MS4A3: variants seen among roughly 807,000 people sequenced by gnomAD.
MS4A3 encodes membrane-spanning 4-domains subfamily A member 3.
MS4A3 carries 18 observed loss-of-function variants against 24.7 expected under a neutral mutation model. The ratio of observed to expected loss-of-function variants is 0.73; its 90% CI spans 0.50 to 1.08. The LOEUF (loss-of-function observed/expected upper bound fraction) is 1.08, where lower values mean the gene tolerates loss of function less well. Among genes scored for constraint, MS4A3 ranks in the 50% least tolerant of loss-of-function variants. MS4A3 has a pLI of 0.00. For synonymous variants in MS4A3, 84 were observed against 95.3 expected, an observed-to-expected ratio of 0.88 and a Z score of 0.69; for missense variants, 282 against 251.7, an observed-to-expected ratio of 1.12 and a Z score of -0.82.
Position 60,067,086 on chromosome 11 carries a change from T to G in MS4A3, c.487T>G (p.Cys163Gly), listed in dbSNP as rs201987673. 6.2e-7 allele frequency: 1 copy of G among 1,608,318 alleles called. No homozygotes were observed. The highest frequency in any genetic ancestry group is 1.1e-5 in the South Asian group (1 of 89,698). The change falls in exon 5 of 7, where the codon TGC (cysteine) becomes GGC (glycine). Residue 163 changes from cysteine (C) to glycine (G), a missense_variant. Physicochemically the swap from Cys to Gly is radical, Grantham distance 159. Transcript: ENST00000278865. Reference protein sequence around the residue: ...CHSSSESPDLCNYMGSISNGM... With the variant: ...CHSSSESPDLGNYMGSISNGM... ...CTCTTCATCAGAGTCACCGGACCTA[T>G]GCAATTACATGGGCTCCATATCAAA...
rs1855323030 is a variant in MS4A3, at chr11:60,064,244, C to T, written c.295-18C>T. 1 of 1,589,528 alleles carries T rather than the reference C, an allele frequency of 6.3e-7. No homozygotes were observed. The highest frequency in any genetic ancestry group is 8.6e-7 in the Non-Finnish European group (1 of 1,166,928). On this transcript the variant is annotated intron_variant, in intron 3 of 6. Transcript: ENST00000278865. ...ACTTAATATTCCTTTATCTGTTTTC[C>T]TTCCTATTTTCAAACAGTTCTGTAG...
chr11:60,062,417 T>A (rs773122444), intron 2 of MS4A3, 51 bp from the exon 3 acceptor site: 1 of 1,603,106 alleles, frequency 6.2e-7, no homozygotes. Flanking sequence ...CTGTTTTCAG[T>A]GTCCACTTTA....
In MS4A3 at chr11:60,070,376, T is replaced by C. The variant is rs1474454012; in HGVS notation, c.*143T>C. The stretch of plus-strand genomic sequence containing the variant: ...TATCATGGCACCAATCACAAGAACC[T>C]TGGACGTTTGACTGACTCTATCCTT... On this transcript the variant is annotated 3_prime_UTR_variant, in exon 7 of 7. Transcript: ENST00000278865. 2 of 646,910 alleles carry C rather than the reference T, an allele frequency of 3.1e-6. No individual in the cohort carries two copies. Among genetic ancestry groups the C allele is most frequent in the African/African-American group, 1.9e-5 (1 of 53,412 alleles). 40.1% of individuals were successfully genotyped at this position (646,910 alleles called of 1,614,324 possible).
rs202040357 is a variant in MS4A3 at position 60,066,368 on chromosome 11, ATTTTTCTTAGAG to A, written c.352-580_352-569del. ...GCTCCAAATCCTTCATTGGCTTTGT[ATTTTTCTTAGAG>A]TTAGAAACAAGTTCCTTTTCATGAT... On this transcript the variant is annotated intron_variant, in intron 4 of 6. Transcript: ENST00000278865. Among the ~76,000 whole-genome samples, 1,092 of 152,206 alleles carry A rather than the reference ATTTTTCTTAGAG, an allele frequency of 7.2e-3. 8 individuals are homozygous for A. The highest frequency in any genetic ancestry group is 0.012 in the Non-Finnish European group (802 of 67,998).
intron 1 of MS4A3, among the ~76,000 whole-genome samples, chr11:60,058,994 C>G (rs569174245): frequency 6.6e-6 from 1 of 152,208 alleles, no homozygotes; most frequent in Non-Finnish European, 1.5e-5. Flanking sequence ...GGTTCCTTGT[C>G]ATTTCACATT....
At chr11:60,067,212 CTTT>C (rs35764500) in intron 5 of MS4A3, 100 bp downstream of exon 5, 2,949 of 543,252 alleles carry the variant, frequency 5.4e-3, no homozygotes, top group Non-Finnish European at 5.9e-3. Flanking sequence ...TAATTTGAAT[CTTT>C]TTTTTTTTTT....
At position 60,070,220 on chromosome 11, in the gene MS4A3, C is replaced by T; in HGVS notation, c.632C>T (p.Pro211Leu). Residue 211 changes from proline (P) to leucine (L), a missense_variant, in exon 7 of 7, where the codon CCC becomes CTC. Physicochemically the swap from Pro to Leu is moderately conservative, Grantham distance 98 (BLOSUM62 -3). Coordinates refer to ENST00000278865, the MANE Select transcript of MS4A3 (RefSeq NM_006138.5). ...CNSREEISSP[P>L]NSV ...ATTTTCTAGGAAATTTCCTCACCTCCCAATTCTGTGTAATCAAGAATACCT... is the reference window on the plus strand; with the variant it reads ...ATTTTCTAGGAAATTTCCTCACCTCTCAATTCTGTGTAATCAAGAATACCT... The T allele has an allele frequency of 6.2e-7, 1 of 1,602,088 alleles. No individual in the cohort carries two copies. Among genetic ancestry groups the T allele is most frequent in the South Asian group, 1.1e-5 (1 of 90,110 alleles).
At chr11:60,058,380 G>A (rs770748608) in intron 1 of MS4A3, among the ~76,000 whole-genome samples, 1 of 151,292 alleles carries the variant, frequency 6.6e-6, no homozygotes, top group African/African-American at 2.4e-5. Context: ...GGTGGTGCAC[G>A]CCTGTAATCC....
In MS4A3 at chr11:60,070,227, T is replaced by C; in HGVS notation, c.639T>C (p.Ser213=). Residue 213 remains serine (S), a synonymous_variant, in exon 7 of 7, where the codon TCT becomes TCC. Coordinates refer to ENST00000278865, the MANE Select transcript of MS4A3 (RefSeq NM_006138.5). ...AGGAAATTTCCTCACCTCCCAATTC[T>C]GTGTAATCAAGAATACCTCCTTAAT... is the stretch of plus-strand genomic sequence containing the variant. ...SREEISSPPN[S]V 5.0e-6 allele frequency: 8 copies of C among 1,598,830 alleles called. No homozygotes were observed. Among genetic ancestry groups the C allele is most frequent in the Non-Finnish European group, 6.8e-6 (8 of 1,169,422 alleles).
intron 3 of MS4A3, 157 bp downstream of exon 3, chr11:60,062,762 CTT>C (rs922705834): frequency 7.3e-5 from 39 of 535,104 alleles, no homozygotes; most frequent in African/African-American, 2.9e-4. Context: ...ACGATAAACT[CTT>C]TTTTATTTTT....
chr11:60,060,894 A>T (rs185788815), intron 1 of MS4A3: 21 of 283,192 alleles, frequency 7.4e-5, no homozygotes, highest in Non-Finnish European at 1.2e-4. Context: ...AAAATGAGAA[A>T]GAAATTGCTC....
chr11:60,061,316 G>C lies in MS4A3; in HGVS notation c.156G>C (p.Gly52=), dbSNP rs1855270920. The part of the protein sequence containing the change: ...DYQKAKLQVL[G]AIQILNAAMI... ...AGAAAGCAAAATTACAAGTTCTTGG[G>C]GTAAGTCAGCCTTAGTTTAAACACT... is the stretch of plus-strand genomic sequence containing the variant. Residue 52 remains glycine, a splice_region_variant and synonymous_variant, in exon 2 of 7, where the codon GGG becomes GGC. Coordinates refer to ENST00000278865, the MANE Select transcript of MS4A3 (RefSeq NM_006138.5). 2.5e-6 allele frequency: 4 copies of C among 1,603,968 alleles called. No individual in the cohort carries two copies. Among genetic ancestry groups the C allele is most frequent in the Admixed American group, 3.5e-5 (2 of 57,552 alleles).
chr11:60,070,702 A>T lies in MS4A3; in HGVS notation c.*469A>T, dbSNP rs1855461525. The T allele has an allele frequency of 6.5e-6, 1 of 152,788 alleles. No homozygotes were observed. Among genetic ancestry groups the T allele is most frequent in the Non-Finnish European group, 1.5e-5 (1 of 68,464 alleles). The allele number at this position is 152,788 out of a possible 1,614,324, so 9.5% of individuals were successfully genotyped here. On this transcript the variant is annotated 3_prime_UTR_variant, in exon 7 of 7. Coordinates refer to ENST00000278865, the MANE Select transcript of MS4A3 (RefSeq NM_006138.5). ...GCTTCTTGACTTTAACATCAGCATT[A>T]TAAAAAGTGTCAAATAAAAAATTAC...
chr11:60,070,058 T>C (rs1855450300), intron 6 of MS4A3, 146 bp from the exon 7 acceptor site: 6 of 685,476 alleles, frequency 8.8e-6, no homozygotes, highest in Non-Finnish European at 1.5e-5. Flanking sequence ...TTGTGAGTAC[T>C]GTGTATATAA....
At chr11:60,062,170 A>T in intron 2 of MS4A3, among the ~76,000 whole-genome samples, 1 of 151,944 alleles carries the variant, frequency 6.6e-6, no homozygotes, top group Non-Finnish European at 1.5e-5. Flanking sequence ...AGAGACTTTG[A>T]CTCCATCTAC....
chr11:60,068,475 A>G (rs1005668865), intron 5 of MS4A3, among the ~76,000 whole-genome samples: 2 of 146,294 alleles, frequency 1.4e-5, no homozygotes, highest in African/African-American at 5.1e-5. Flanking sequence ...GATGGTCTCG[A>G]TCTCCTGACC....
In MS4A3 at chr11:60,069,720, T is replaced by C. The variant is rs778180337; in HGVS notation, c.615+45T>C. On this transcript the variant is annotated intron_variant, in intron 6 of 6. Transcript: ENST00000278865. ...TAATCATTCACATGATCTCAAAGCCTCCCTGTAGGGTTTGAAGTTGTTTCT... is the reference window on the plus strand; with the variant it reads ...TAATCATTCACATGATCTCAAAGCCCCCCTGTAGGGTTTGAAGTTGTTTCT... 2.1e-6 allele frequency: 3 copies of C among 1,428,362 alleles called. No homozygotes were observed. In the South Asian group the frequency reaches 3.5e-5, roughly 16 times the overall value. The allele number at this position is 1,428,362 out of a possible 1,614,324, so 88.5% of individuals were successfully genotyped here. A position where few individuals can be genotyped will look rare whatever the true frequency, so the allele number is the denominator to read the frequency against.
At chr11:60,059,706 AT>A (rs1322669697) in intron 1 of MS4A3, among the ~76,000 whole-genome samples, 1 of 152,200 alleles carries the variant, frequency 6.6e-6, no homozygotes, top group East Asian at 1.9e-4. Context: ...TGCAAAAGAC[AT>A]GATCTCATTC....
In MS4A3 at chr11:60,067,754, TAA is replaced by T. The variant is rs1382123305; in HGVS notation, c.513+643_513+644del. Among the ~76,000 whole-genome samples, 7 of 152,054 alleles carry T rather than the reference TAA, an allele frequency of 4.6e-5. No individual in the cohort carries two copies. The East Asian group carries it at 9.7e-4, about 21-fold the overall frequency. ...TACACTCCCCAGAGAGATTTTTTTT[TAA>T]GTTTCATTTCACCGGGCGCGGTGGC... On this transcript the variant is annotated intron_variant, in intron 5 of 6. Coordinates refer to ENST00000278865, the MANE Select transcript of MS4A3 (RefSeq NM_006138.5).
Sources: gnomAD v4.1 joint callset for allele counts (sites outside exome capture counted in the v4.1 genomes callset) on GRCh38, gnomAD v4.1.1 for gene constraint, MANE v1.5 for transcripts, NCBI Gene and HGNC (gene_info 2026-07-23, HGNC 2026-07-21) for gene names.